The following GLIS3 variants were observed in gnomAD, a reference collection of about 807,000 sequenced individuals.
GLIS3 encodes GLIS family zinc finger 3.
In GLIS3, 53 loss-of-function variants were observed where a neutral mutation model predicts 78.6. The observed-to-expected ratio is 0.67, with a 90% CI of 0.54 to 0.85. The LOEUF (loss-of-function observed/expected upper bound fraction) is 0.85. Ranked by LOEUF, GLIS3 falls within the 40% of genes least tolerant of loss-of-function variation. The pLI, the probability that GLIS3 is intolerant of heterozygous loss-of-function variation, is 0.00. For synonymous variants in GLIS3, 684 were observed against 509.9 expected (o/e 1.34, Z -4.60); for missense variants, 1,703 against 1,231.1 (o/e 1.38, Z -5.74).
the GLIS3 span, among the ~76,000 whole-genome samples, chr9:4,394,810 T>C: frequency 3.9e-5 from 6 of 152,216 alleles, no homozygotes; most frequent in Non-Finnish European, 7.3e-5. Flanking sequence ...TCATAAGCTC[T>C]CCCTGTATTA....
chr9:4,210,354 A>G (rs1173420787), intron 2 of GLIS3, among the ~76,000 whole-genome samples: 4 of 152,184 alleles, frequency 2.6e-5, no homozygotes, highest in South Asian at 2.1e-4. Context: ...TCAGCATCCA[A>G]TTGCCTTTTC....
chr9:4,475,032 C>T, the GLIS3 span, among the ~76,000 whole-genome samples: 1 of 117,660 alleles, frequency 8.5e-6, no homozygotes, highest in Admixed American at 1.2e-4. Flanking sequence ...CTTGCTCTGT[C>T]GACCAGGCTA....
chr9:4,293,054 AAAAC>A (rs757167544), intron 1 of GLIS3, among the ~76,000 whole-genome samples: 6 of 152,212 alleles, frequency 3.9e-5, no homozygotes, highest in Non-Finnish European at 7.3e-5. Context: ...TCTTTCAAGA[AAAAC>A]AAACAAACAA....
intron 2 of GLIS3, among the ~76,000 whole-genome samples, chr9:4,184,427 C>T (rs190402411): frequency 6.6e-6 from 1 of 152,170 alleles, no homozygotes; most frequent in African/African-American, 2.4e-5. Flanking sequence ...TATTCGAATA[C>T]CCCCACTTCA....
chr9:4,038,206 G>C (rs921351295), intron 4 of GLIS3, among the ~76,000 whole-genome samples: 4 of 152,130 alleles, frequency 2.6e-5, no homozygotes, highest in Non-Finnish European at 4.4e-5. Context: ...GGGATGATTA[G>C]CAGCCAGCCA....
intron 4 of GLIS3, among the ~76,000 whole-genome samples, chr9:4,037,426 C>G (rs934498123): frequency 3.9e-5 from 6 of 152,140 alleles, no homozygotes; most frequent in Admixed American, 3.9e-4. Flanking sequence ...TACATTTTTA[C>G]CTGAGCAAGG....
intron 4 of GLIS3, among the ~76,000 whole-genome samples, chr9:3,940,457 T>G (rs1463157064): frequency 6.6e-6 from 1 of 152,182 alleles, no homozygotes; most frequent in Non-Finnish European, 1.5e-5. Context: ...TGTCAACTAA[T>G]GCTTGTGTCA....
the GLIS3 span, among the ~76,000 whole-genome samples, chr9:4,378,591 G>A: frequency 1.3e-5 from 2 of 151,890 alleles, no homozygotes; most frequent in Admixed American, 6.6e-5. Context: ...TACAAAATAG[G>A]TACAATAACT....
At chr9:4,195,507 T>C (rs1818743356) in intron 2 of GLIS3, among the ~76,000 whole-genome samples, 1 of 152,294 alleles carries the variant, frequency 6.6e-6, no homozygotes, top group African/African-American at 2.4e-5. Context: ...CGCGCTCGAA[T>C]TCTCGCCGGG....
chr9:4,422,768 G>A, the GLIS3 span, among the ~76,000 whole-genome samples: 2 of 152,206 alleles, frequency 1.3e-5, no homozygotes, highest in East Asian at 1.9e-4. Context: ...AGTGCTGGGG[G>A]CGGGGCAGCC....
At chr9:4,409,172 TCTC>T in the GLIS3 span, among the ~76,000 whole-genome samples, 1 of 152,160 alleles carries the variant, frequency 6.6e-6, no homozygotes, top group Admixed American at 6.6e-5. Context: ...GACCTTAACT[TCTC>T]CTCTTGGAGC....
At chr9:4,288,825 C>G (rs1828214199) in intron 1 of GLIS3, among the ~76,000 whole-genome samples, 1 of 151,872 alleles carries the variant, frequency 6.6e-6, no homozygotes, top group Non-Finnish European at 1.5e-5. Context: ...AACGAAAAAA[C>G]CAATAGGCCA....
At chr9:4,436,674 C>T in the GLIS3 span, among the ~76,000 whole-genome samples, 8 of 151,788 alleles carry the variant, frequency 5.3e-5, no homozygotes, top group East Asian at 1.9e-4. Flanking sequence ...GGCATGGTGG[C>T]GGGCACCTAT....
chr9:3,906,776 C>T (rs999197837), intron 6 of GLIS3, among the ~76,000 whole-genome samples: 12 of 152,182 alleles, frequency 7.9e-5, no homozygotes, highest in African/African-American at 2.9e-4. Flanking sequence ...TCATGTACTG[C>T]TTAACACGCA....
chr9:4,484,379 A>C, the GLIS3 span, among the ~76,000 whole-genome samples: 1 of 140,426 alleles, frequency 7.1e-6, no homozygotes, highest in Non-Finnish European at 1.5e-5. Context: ...CTGGGACCAC[A>C]GGTGTGTGCT....
At chr9:4,003,972 T>G (rs1440068454) in intron 4 of GLIS3, among the ~76,000 whole-genome samples, 1 of 152,196 alleles carries the variant, frequency 6.6e-6, no homozygotes, top group Non-Finnish European at 1.5e-5. Flanking sequence ...TGACTATTAT[T>G]ATGATGCCCC....
chr9:4,453,176 G>A, the GLIS3 span, among the ~76,000 whole-genome samples: 17 of 152,114 alleles, frequency 1.1e-4, no homozygotes, highest in African/African-American at 3.9e-4. Flanking sequence ...ATGGATTAAA[G>A]ACTTAAATGT....
the GLIS3 span, among the ~76,000 whole-genome samples, chr9:4,398,211 G>A: frequency 8.1e-4 from 112 of 138,430 alleles, 2 homozygotes; most frequent in Admixed American, 8.2e-3. Flanking sequence ...CAAAATTGCT[G>A]AGGCATATTT....
intron 2 of GLIS3, among the ~76,000 whole-genome samples, chr9:4,315,005 C>A (rs1190228587): frequency 1.3e-5 from 2 of 152,212 alleles, no homozygotes; most frequent in Non-Finnish European, 2.9e-5. Context: ...TGAAGCCATT[C>A]TATAGCTACT....
Sources: allele counts gnomAD v4.1 joint callset (sites outside exome capture counted in the v4.1 genomes callset), GRCh38; gene constraint gnomAD v4.1.1; transcripts MANE v1.5; gene names NCBI Gene and HGNC (gene_info 2026-07-23, HGNC 2026-07-21).